Variants in SDK1 observed in about 807,000 individuals in gnomAD.
SDK1 encodes sidekick cell adhesion molecule 1.
SDK1 carries 157 observed loss-of-function variants against 245.5 expected under a neutral mutation model. The ratio of observed to expected loss-of-function variants is 0.64; its 90% CI spans 0.56 to 0.73. The LOEUF is 0.73. Ranked by LOEUF, SDK1 falls within the 30% of genes least tolerant of loss-of-function variation. The probability of loss-of-function intolerance (pLI) is 0.00; values close to 1 mark genes in which losing one functional copy is unlikely to be tolerated. For synonymous variants in SDK1, 1,647 were observed against 1,278.5 expected (o/e 1.29, Z -6.15); for missense variants, 3,583 against 3,002.3 (o/e 1.19, Z -4.52).
In SDK1 at chr7:3,706,206, G is replaced by T. The variant is rs117416275; in HGVS notation, c.713+64101G>T. Among the ~76,000 whole-genome samples, 733 of 152,216 alleles carry T rather than the reference G, an allele frequency of 4.8e-3. 4 individuals are homozygous for T. The highest frequency in any genetic ancestry group is 8.8e-3 in the Non-Finnish European group (599 of 68,014). On this transcript the variant is annotated intron_variant, in intron 4 of 44. Transcript: ENST00000404826. Reference sequence around the variant, plus strand: ...GATTTTTGCATCTATATTCATCAAGGATATTGGTCTGTAGTTTTATTTTTT... The same window carrying T: ...GATTTTTGCATCTATATTCATCAAGTATATTGGTCTGTAGTTTTATTTTTT...
chr7:3,947,999 T>G (rs1319979752), intron 5 of SDK1, among the ~76,000 whole-genome samples: 2 of 152,190 alleles, frequency 1.3e-5, no homozygotes, highest in Non-Finnish European at 2.9e-5. Flanking sequence ...CACATATGAA[T>G]TTGATTGAAA....
Position 4,058,649 on chromosome 7 carries a change from T to C in SDK1, c.2911+6819T>C, listed in dbSNP as rs180690164. The stretch of plus-strand genomic sequence containing the variant: ...GAACCCCCATCAGACTAACAGTGGA[T>C]TTATCAGCAGAAACCTTACATGCCA... On this transcript the variant is annotated intron_variant, in intron 19 of 44. Coordinates refer to ENST00000404826, the MANE Select transcript of SDK1 (RefSeq NM_152744.4). Among the ~76,000 whole-genome samples the C allele has an allele frequency of 4.2e-3, 636 of 152,306 alleles. 4 individuals are homozygous for C. Among genetic ancestry groups the C allele is most frequent in the African/African-American group, 0.011 (468 of 41,554 alleles).
chr7:3,312,130 C>T (rs1205028057), intron 1 of SDK1, among the ~76,000 whole-genome samples: 2 of 152,292 alleles, frequency 1.3e-5, no homozygotes, highest in East Asian at 3.9e-4. Context: ...ATCTAAACTC[C>T]AAGATTGCAC....
chr7:4,044,602 C>G (rs969945919), intron 17 of SDK1, among the ~76,000 whole-genome samples: 1 of 152,004 alleles, frequency 6.6e-6, no homozygotes, highest in African/African-American at 2.4e-5. Context: ...TGCCACCATG[C>G]CTGGCTACTT....
chr7:3,811,711 G>T (rs569365051), intron 4 of SDK1, among the ~76,000 whole-genome samples: 2 of 152,180 alleles, frequency 1.3e-5, no homozygotes, highest in African/African-American at 2.4e-5. Context: ...CTGCCTGGCC[G>T]TGCAGAAGCC....
intron 4 of SDK1, among the ~76,000 whole-genome samples, chr7:3,802,007 G>T (rs1440075757): frequency 6.6e-6 from 1 of 152,166 alleles, no homozygotes; most frequent in Non-Finnish European, 1.5e-5. Flanking sequence ...CAGCAGAGCT[G>T]TTCTCTTTTA....
Position 3,940,477 on chromosome 7 carries a change from A to G in SDK1, c.848-10446A>G, listed in dbSNP as rs578009302. Reference sequence around the variant, plus strand: ...AGACAATAGCTTCCCGTTTTATGGCATCTTCTTCTTCCTTCCCAGCCCTGG... The same window carrying G: ...AGACAATAGCTTCCCGTTTTATGGCGTCTTCTTCTTCCTTCCCAGCCCTGG... On this transcript the variant is annotated intron_variant, in intron 5 of 44. Transcript: ENST00000404826. Among the ~76,000 whole-genome samples, 53 of 152,262 alleles carry G rather than the reference A, an allele frequency of 3.5e-4. No individual in the cohort carries two copies. In the South Asian group the frequency reaches 0.011, roughly 32 times the overall value.
intron 5 of SDK1, among the ~76,000 whole-genome samples, chr7:3,890,113 C>G (rs974123910): frequency 2.0e-5 from 3 of 152,220 alleles, no homozygotes; most frequent in Admixed American, 6.5e-5. Flanking sequence ...AGACATGGCC[C>G]TAGCTCAGAG....
chr7:3,914,754 G>C (rs1334109678), intron 5 of SDK1, among the ~76,000 whole-genome samples: 2 of 152,268 alleles, frequency 1.3e-5, no homozygotes, highest in South Asian at 4.2e-4. Flanking sequence ...TGGCCCACTG[G>C]GTAATTAAAA....
At chr7:3,668,892 A>C (rs1783613836) in intron 4 of SDK1, among the ~76,000 whole-genome samples, 1 of 152,224 alleles carries the variant, frequency 6.6e-6, no homozygotes, top group Non-Finnish European at 1.5e-5. Context: ...AGAGTCACAA[A>C]GGCCTGCCCA....
At chr7:3,426,206 C>G (rs542269358) in intron 1 of SDK1, among the ~76,000 whole-genome samples, 1 of 152,108 alleles carries the variant, frequency 6.6e-6, no homozygotes, top group African/African-American at 2.4e-5. Context: ...AGTGCTGGTC[C>G]TGTAGTGCAG....
chr7:3,971,850 C>G (rs1363455002), intron 12 of SDK1, among the ~76,000 whole-genome samples: 3 of 152,134 alleles, frequency 2.0e-5, no homozygotes. Context: ...GTAAAACGTA[C>G]TTGTCAGAGG....
intron 1 of SDK1, among the ~76,000 whole-genome samples, chr7:3,403,851 ATATATATATATATATATAAT>A (rs1158941000): frequency 2.4e-4 from 22 of 90,002 alleles, no homozygotes; most frequent in African/African-American, 1.4e-3. Flanking sequence ...ATATATATAT[ATATATATATATATATATAAT>A]ATATATATTT....
intron 4 of SDK1, among the ~76,000 whole-genome samples, chr7:3,654,024 A>T (rs1205350520): frequency 1.3e-5 from 2 of 152,108 alleles, no homozygotes; most frequent in African/African-American, 4.8e-5. Context: ...TTCAGGTAAA[A>T]AACGTTCATC....
Position 4,120,461 on chromosome 7 carries a change from T to C in SDK1, c.3823+6187T>C, listed in dbSNP as rs1180583048. On this transcript the variant is annotated intron_variant, in intron 25 of 44. Coordinates refer to ENST00000404826, the MANE Select transcript of SDK1 (RefSeq NM_152744.4). ...AGGCCAGAAGACAATGGGATAATAA[T>C]CTCGAAGGAGCTAAAAGCAAATAAC... is the stretch of plus-strand genomic sequence containing the variant. Among the ~76,000 whole-genome samples, 3 of 148,706 alleles carry C rather than the reference T, an allele frequency of 2.0e-5. 1 individual carries two copies. Among genetic ancestry groups the C allele is most frequent in the Non-Finnish European group, 4.5e-5 (3 of 66,660 alleles).
intron 4 of SDK1, among the ~76,000 whole-genome samples, chr7:3,720,971 T>G (rs758703232): frequency 1.3e-5 from 2 of 152,242 alleles, no homozygotes; most frequent in African/African-American, 2.4e-5. Flanking sequence ...GAGAGTTATA[T>G]TGAGTGAGAA....
chr7:4,181,200 T>C (rs1195649992), intron 35 of SDK1, among the ~76,000 whole-genome samples: 1 of 152,216 alleles, frequency 6.6e-6, no homozygotes, highest in African/African-American at 2.4e-5. Flanking sequence ...GCAGTGCTTG[T>C]CTTCCTGTGT....
intron 1 of SDK1, among the ~76,000 whole-genome samples, chr7:3,322,606 C>T (rs998641077): frequency 6.6e-6 from 1 of 152,176 alleles, no homozygotes; most frequent in South Asian, 2.1e-4. Context: ...TAGAAGAATT[C>T]CAGTTGGTCA....
chr7:4,089,786 G>T (rs1200784558), intron 22 of SDK1, among the ~76,000 whole-genome samples: 1 of 152,218 alleles, frequency 6.6e-6, no homozygotes, highest in East Asian at 1.9e-4. Context: ...AGAAACTATA[G>T]ACAAGCCTTA....
Sources: gnomAD v4.1 joint callset for allele counts (sites outside exome capture counted in the v4.1 genomes callset) on GRCh38, gnomAD v4.1.1 for gene constraint, MANE v1.5 for transcripts, NCBI Gene and HGNC (gene_info 2026-07-23, HGNC 2026-07-21) for gene names.